Variants in RANBP2 observed in about 807,000 individuals in gnomAD.
RANBP2 encodes the protein E3 SUMO-protein ligase RanBP2.
In RANBP2, 57 loss-of-function variants were observed where a neutral mutation model predicts 303.6. That is an observed-to-expected ratio of 0.19 (90% CI 0.15 to 0.23). The LOEUF is 0.23. Among genes scored for constraint, RANBP2 ranks in the 10% least tolerant of loss-of-function variants. The pLI is 1.00. For missense variants in RANBP2, 3,138 were observed against 3,780.8 expected, an observed-to-expected ratio of 0.83 and a Z score of 4.46; for synonymous variants, 1,167 against 1,301.5, an observed-to-expected ratio of 0.90 and a Z score of 2.23.
At chr2:108,825,531 A>T in the RANBP2 span, among the ~76,000 whole-genome samples, 1 of 152,060 alleles carries the variant, frequency 6.6e-6, no homozygotes, top group Non-Finnish European at 1.5e-5. Context: ...AGATTTTCCT[A>T]TCTGGACTTT....
At chr2:109,358,151 A>C in the RANBP2 span, among the ~76,000 whole-genome samples, 8 of 152,216 alleles carry the variant, frequency 5.3e-5, no homozygotes, top group Non-Finnish European at 1.0e-4. Flanking sequence ...TACAATATGT[A>C]GCCTTTTCGT....
At chr2:109,339,049 T>C in the RANBP2 span, among the ~76,000 whole-genome samples, 20 of 152,264 alleles carry the variant, frequency 1.3e-4, no homozygotes, top group African/African-American at 4.6e-4. Context: ...TTACTACTCA[T>C]TAAGTGGAAG....
At chr2:109,231,549 G>C in the RANBP2 span, among the ~76,000 whole-genome samples, 1 of 152,108 alleles carries the variant, frequency 6.6e-6, no homozygotes, top group South Asian at 2.1e-4. Context: ...TTCCACTTGG[G>C]CTTTTTGCTG....
the RANBP2 span, among the ~76,000 whole-genome samples, chr2:109,133,726 T>G: frequency 4.7e-5 from 7 of 150,120 alleles, no homozygotes; most frequent in Admixed American, 4.6e-4. Flanking sequence ...GGGACAATTT[T>G]TTTTTTTTTT....
At chr2:109,607,279 G>C in the RANBP2 span, among the ~76,000 whole-genome samples, 17 of 152,256 alleles carry the variant, frequency 1.1e-4, no homozygotes, top group African/African-American at 4.1e-4. Context: ...AAGGTCCTGA[G>C]TAAGTTCTTG....
At chr2:109,567,838 C>T in the RANBP2 span, 1 of 1,609,752 alleles carries the variant, frequency 6.2e-7, no homozygotes, top group Non-Finnish European at 8.5e-7. Context: ...TTGACCTTAG[C>T]AATAGTGTCA....
At chr2:109,441,456 T>C in the RANBP2 span, among the ~76,000 whole-genome samples, 3 of 150,694 alleles carry the variant, frequency 2.0e-5, no homozygotes, top group South Asian at 2.1e-4. Context: ...GAAGAAAAAA[T>C]ATTTGTAAAC....
chr2:108,892,890 A>G, the RANBP2 span, among the ~76,000 whole-genome samples: 1 of 152,194 alleles, frequency 6.6e-6, no homozygotes, highest in Admixed American at 6.5e-5. Context: ...AATGTATTCA[A>G]AGTGTGACTG....
At chr2:109,617,766 C>G in the RANBP2 span, 1 of 165,918 alleles carries the variant, frequency 6.0e-6, no homozygotes, top group Non-Finnish European at 1.5e-5. Flanking sequence ...TGCCTGTAAT[C>G]CCAGCACTTT....
chr2:109,765,832 C>G, the RANBP2 span, among the ~76,000 whole-genome samples: 1 of 150,840 alleles, frequency 6.6e-6, no homozygotes, highest in Non-Finnish European at 1.5e-5. Flanking sequence ...AGGGGACATG[C>G]GCAGGCCAGT....
At chr2:108,963,096 C>T in the RANBP2 span, among the ~76,000 whole-genome samples, 1 of 152,184 alleles carries the variant, frequency 6.6e-6, no homozygotes, top group African/African-American at 2.4e-5. Flanking sequence ...CCAGTCCAGC[C>T]CTGCAGAGGC....
At chr2:109,501,900 C>G in the RANBP2 span, 1 of 505,786 alleles carries the variant, frequency 2.0e-6, no homozygotes, top group South Asian at 3.2e-5. Context: ...AATGCCCACC[C>G]CCTCTGTGGA....
chr2:109,425,705 A>AAG, the RANBP2 span, among the ~76,000 whole-genome samples: 2 of 151,554 alleles, frequency 1.3e-5, no homozygotes, highest in Non-Finnish European at 2.9e-5. Context: ...TCAGAAAAAA[A>AAG]AGATTCCTTT....
the RANBP2 span, among the ~76,000 whole-genome samples, chr2:109,637,719 C>G: frequency 0.015 from 2,259 of 152,226 alleles, 136 homozygotes; most frequent in East Asian, 0.2. Context: ...GTGGCTGGGG[C>G]AAAGCTACAA....
chr2:109,187,691 CA>C, the RANBP2 span, among the ~76,000 whole-genome samples: 2 of 152,324 alleles, frequency 1.3e-5, no homozygotes, highest in Non-Finnish European at 2.9e-5. Flanking sequence ...TGATGTCACC[CA>C]AGGACTCATT....
the RANBP2 span, among the ~76,000 whole-genome samples, chr2:108,936,324 A>G: frequency 6.6e-6 from 1 of 152,238 alleles, no homozygotes; most frequent in South Asian, 2.1e-4. Flanking sequence ...GGCCTGGCCC[A>G]GCAGGGCTTG....
At chr2:109,241,257 T>TGACAAC in the RANBP2 span, among the ~76,000 whole-genome samples, 1 of 151,184 alleles carries the variant, frequency 6.6e-6, no homozygotes, top group African/African-American at 2.4e-5. Context: ...CCTAAGAATA[T>TGACAAC]AACAACAACA....
chr2:108,897,425 G>A, the RANBP2 span, among the ~76,000 whole-genome samples: 1 of 152,052 alleles, frequency 6.6e-6, no homozygotes, highest in African/African-American at 2.4e-5. Flanking sequence ...CACAAGAGAG[G>A]GCTGTGCATG....
At chr2:109,021,749 G>A in the RANBP2 span, among the ~76,000 whole-genome samples, 1 of 152,066 alleles carries the variant, frequency 6.6e-6, no homozygotes, top group Non-Finnish European at 1.5e-5. Context: ...GGTGTGGAGG[G>A]AGCTGTGAAC....
Sources: allele counts gnomAD v4.1 joint callset (sites outside exome capture counted in the v4.1 genomes callset), GRCh38; gene constraint gnomAD v4.1.1; transcripts MANE v1.5; gene names NCBI Gene and HGNC (gene_info 2026-07-23, HGNC 2026-07-21).